The following IGF2R variants were observed in gnomAD, a reference collection of about 807,000 sequenced individuals.
IGF2R encodes cation-independent mannose-6-phosphate receptor.
IGF2R carries 91 observed loss-of-function variants against 270.6 expected under a neutral mutation model. That is an observed-to-expected ratio of 0.34 (90% CI 0.28 to 0.40). The LOEUF is 0.40. IGF2R is among the 10% of genes least tolerant of loss of function. The pLI, the probability that IGF2R is intolerant of heterozygous loss-of-function variation, is 1.00. For missense variants in IGF2R, 2,805 were observed against 3,188.3 expected, an observed-to-expected ratio of 0.88 and a Z score of 2.90; for synonymous variants, 1,316 against 1,258.9, an observed-to-expected ratio of 1.05 and a Z score of -0.96.
rs562710818 is a variant in IGF2R, at chr6:160,058,658, A to T, written c.2899-248A>T. Among the ~76,000 whole-genome samples, 32 of 152,294 alleles carry T rather than the reference A, an allele frequency of 2.1e-4. No individual in the cohort carries two copies. The South Asian group carries it at 6.2e-3, about 30-fold the overall frequency. On this transcript the variant is annotated intron_variant, in intron 21 of 47. Transcript: ENST00000356956. Reference sequence around the variant, plus strand: ...TTATTACATGCAGTAGATCTTACACATTTATAGATACGGGGATGTATGAAT... The same window carrying T: ...TTATTACATGCAGTAGATCTTACACTTTTATAGATACGGGGATGTATGAAT...
chr6:160,040,798 T>C (rs1159287422), intron 11 of IGF2R, 74 bp downstream of exon 11: 2 of 1,452,970 alleles, frequency 1.4e-6, no homozygotes, highest in African/African-American at 2.8e-5. Flanking sequence ...CTTTTGGAAA[T>C]GCGGTTACTA....
chr6:160,026,028 T>G (rs943576847), intron 5 of IGF2R, among the ~76,000 whole-genome samples: 1 of 152,196 alleles, frequency 6.6e-6, no homozygotes, highest in African/African-American at 2.4e-5. Context: ...TCCCAGGAAA[T>G]TGCCCTAAGT....
At chr6:160,088,970 G>T in intron 42 of IGF2R, 137 bp from the exon 43 acceptor site, 1 of 821,878 alleles carries the variant, frequency 1.2e-6, no homozygotes, top group South Asian at 2.3e-5. Flanking sequence ...GGGGCCTCGG[G>T]ACCCAACTGA....
chr6:160,049,637 C>G (rs1039910873), intron 18 of IGF2R, among the ~76,000 whole-genome samples: 8 of 152,184 alleles, frequency 5.3e-5, no homozygotes, highest in African/African-American at 1.7e-4. Context: ...GCCTAGAATT[C>G]ACACTAAAGC....
intron 44 of IGF2R, chr6:160,095,119 C>G (rs186903186): frequency 6.6e-6 from 1 of 152,158 alleles, no homozygotes; most frequent in Non-Finnish European, 1.5e-5. Context: ...CTCTGATTCT[C>G]AACTTTGTAC....
At chr6:160,066,228 G>A (rs1246402011) in intron 29 of IGF2R, among the ~76,000 whole-genome samples, 1 of 151,974 alleles carries the variant, frequency 6.6e-6, no homozygotes, top group Non-Finnish European at 1.5e-5. Flanking sequence ...TGTTGGCCAG[G>A]CTGGTCTCGA....
At chr6:160,062,698 A>T in intron 26 of IGF2R, 79 bp downstream of exon 26, 1 of 982,584 alleles carries the variant, frequency 1.0e-6, no homozygotes, top group Non-Finnish European at 1.6e-6. Flanking sequence ...TAGATATGAG[A>T]CCGTGTGATA....
intron 29 of IGF2R, among the ~76,000 whole-genome samples, chr6:160,065,804 G>GTATATATA (rs1562364384): frequency 8.1e-5 from 5 of 61,540 alleles, no homozygotes; most frequent in Non-Finnish European, 1.5e-4. Context: ...GTGTGTGTGT[G>GTATATATA]TGTGTGTGTG....
intron 10 of IGF2R, among the ~76,000 whole-genome samples, chr6:160,035,978 T>G (rs1169216108): frequency 6.6e-6 from 1 of 152,148 alleles, no homozygotes; most frequent in Admixed American, 6.5e-5. Flanking sequence ...CTTTAGGGCC[T>G]GGGCCTCCAG....
At chr6:160,086,616 C>G (rs757986419) in intron 41 of IGF2R, among the ~76,000 whole-genome samples, 1 of 152,146 alleles carries the variant, frequency 6.6e-6, no homozygotes, top group Non-Finnish European at 1.5e-5. Flanking sequence ...CTTGTTTGAT[C>G]CCATATGCCA....
At chr6:160,072,948 CTT>C in intron 33 of IGF2R, 64 bp downstream of exon 33, 1 of 1,539,798 alleles carries the variant, frequency 6.5e-7, no homozygotes, top group Non-Finnish European at 8.7e-7. Flanking sequence ...TCCTCAGTCT[CTT>C]TGCATGCTAA....
chr6:160,082,388 C>T (rs1779002642), intron 39 of IGF2R, among the ~76,000 whole-genome samples: 1 of 151,766 alleles, frequency 6.6e-6, no homozygotes, highest in African/African-American at 2.4e-5. Context: ...TGGCTCACTG[C>T]AAGCTCCACC....
intron 27 of IGF2R, among the ~76,000 whole-genome samples, chr6:160,064,056 A>G (rs936543327): frequency 1.3e-5 from 2 of 152,210 alleles, no homozygotes; most frequent in Admixed American, 6.5e-5. Context: ...CAAGATTTAA[A>G]TACATTTAGG....
intron 4 of IGF2R, among the ~76,000 whole-genome samples, chr6:160,022,366 C>G (rs1042994404): frequency 6.6e-6 from 1 of 152,186 alleles, no homozygotes; most frequent in Admixed American, 6.5e-5. Context: ...CCATGTAATA[C>G]AACTGCACTC....
At chr6:160,066,315 A>G (rs1487470846) in intron 29 of IGF2R, among the ~76,000 whole-genome samples, 7 of 149,472 alleles carry the variant, frequency 4.7e-5, no homozygotes, top group African/African-American at 1.7e-4. Context: ...GAGCCAGCCT[A>G]TTTTTTGTAT....
At chr6:160,065,814 G>GTGTGTATATATATGTATATA in intron 29 of IGF2R, among the ~76,000 whole-genome samples, 1 of 78,392 alleles carries the variant, frequency 1.3e-5, no homozygotes, top group East Asian at 3.0e-4. Flanking sequence ...GTGTGTGTGT[G>GTGTGTATATATATGTATATA]TATATATATA....
chr6:159,996,701 G>A (rs1408673516), intron 2 of IGF2R, among the ~76,000 whole-genome samples: 1 of 152,186 alleles, frequency 6.6e-6, no homozygotes, highest in Admixed American at 6.5e-5. Context: ...AGGCTGCAGT[G>A]TAGTGAGTGC....
chr6:160,068,414 G>T, intron 30 of IGF2R, 29 bp downstream of exon 30: 1 of 1,612,120 alleles, frequency 6.2e-7, no homozygotes, highest in Non-Finnish European at 8.5e-7. Flanking sequence ...GTGGGGTGGT[G>T]TTTGCAGTGA....
intron 1 of IGF2R, among the ~76,000 whole-genome samples, chr6:159,988,512 CAAAA>C (rs59531292): frequency 4.0e-5 from 2 of 50,478 alleles, no homozygotes; most frequent in East Asian, 4.2e-4. Context: ...GACTCCGTCT[CAAAA>C]AAAAAAAAAA....
Sources: allele counts gnomAD v4.1 joint callset (sites outside exome capture counted in the v4.1 genomes callset), GRCh38; gene constraint gnomAD v4.1.1; transcripts MANE v1.5; gene names NCBI Gene and HGNC (gene_info 2026-07-23, HGNC 2026-07-21).